DZANK1: variants seen among roughly 807,000 people sequenced by gnomAD.
The protein encoded by DZANK1 is double zinc ribbon and ankyrin repeat domains 1.
In DZANK1, 91 loss-of-function variants were observed where a neutral mutation model predicts 94.5. The observed-to-expected ratio is 0.96, with a 90% CI of 0.81 to 1.15. The LOEUF is 1.15. Among genes scored for constraint, DZANK1 ranks in the 50% most tolerant of loss-of-function variants. The pLI is 0.00. For synonymous variants in DZANK1, 312 were observed against 325.3 expected (o/e 0.96, Z 0.44); for missense variants, 903 against 916.4 (o/e 0.99, Z 0.19).
At chr20:18,438,214 G>C (rs1260954554) in intron 8 of DZANK1, among the ~76,000 whole-genome samples, 1 of 42,866 alleles carries the variant, frequency 2.3e-5, no homozygotes, top group Non-Finnish European at 3.7e-5. Context: ...GTGAGACTCT[G>C]TCTCAAAAAA....
At chr20:18,453,822 G>T in exon 5 of DZANK1, 1 of 1,562,188 alleles carries the variant, frequency 6.4e-7, no homozygotes, top group South Asian at 1.1e-5. Flanking sequence ...ATCCATTTTT[G>T]AATTCCTAGG....
intron 3 of DZANK1, among the ~76,000 whole-genome samples, chr20:18,457,612 C>A (rs915896432): frequency 6.6e-6 from 1 of 152,218 alleles, no homozygotes; most frequent in Non-Finnish European, 1.5e-5. Context: ...CTTGGTTACT[C>A]CATCATTTCT....
chr20:18,390,591 A>T, intron 17 of DZANK1, 132 bp from the exon 18 acceptor site: 1 of 772,632 alleles, frequency 1.3e-6, no homozygotes. Flanking sequence ...TGAGTGTGTG[A>T]GTGGTCTTTA....
chr20:18,429,434 T>C (rs559212551), intron 9 of DZANK1, among the ~76,000 whole-genome samples: 1 of 152,346 alleles, frequency 6.6e-6, no homozygotes, highest in South Asian at 2.1e-4. Flanking sequence ...CTTTAAACTT[T>C]ATTTTTAGAG....
At chr20:18,391,154 A>G (rs1429769186) in intron 17 of DZANK1, among the ~76,000 whole-genome samples, 1 of 152,170 alleles carries the variant, frequency 6.6e-6, no homozygotes, top group African/African-American at 2.4e-5. Flanking sequence ...TCATACAACT[A>G]CACTCCAGCC....
rs2057452231 is a variant in DZANK1, at chr20:18,415,548, C to T, written c.955-99G>A. ...TAAAAAATTCCCAGACAAGATGAGC[C>T]CCGGAAATAGTGTTTTTTTTGTTTT... On this transcript the variant is annotated intron_variant, in intron 10 of 20. Coordinates refer to ENST00000262547, the Ensembl canonical transcript of DZANK1. The T allele has an allele frequency of 5.6e-6, 7 of 1,250,940 alleles. No homozygotes were observed. In the South Asian group the frequency reaches 1.4e-4, roughly 25 times the overall value. The allele number at this position is 1,250,940 out of a possible 1,614,324, so 77.5% of individuals were successfully genotyped here. A position where few individuals can be genotyped will look rare whatever the true frequency, so the allele number is the denominator to read the frequency against.
intron 7 of DZANK1, among the ~76,000 whole-genome samples, chr20:18,444,520 C>T (rs543570936): frequency 6.6e-6 from 1 of 152,304 alleles, no homozygotes; most frequent in East Asian, 1.9e-4. Flanking sequence ...CTGGGTACTA[C>T]TGATGAGTGC....
At chr20:18,416,553 C>T (rs901303518) in intron 10 of DZANK1, among the ~76,000 whole-genome samples, 3 of 152,176 alleles carry the variant, frequency 2.0e-5, no homozygotes, top group African/African-American at 7.2e-5. Flanking sequence ...AGGCACAATA[C>T]TAAGAACACG....
intron 8 of DZANK1, among the ~76,000 whole-genome samples, chr20:18,437,928 A>G (rs2148655389): frequency 6.6e-6 from 1 of 152,236 alleles, no homozygotes; most frequent in Non-Finnish European, 1.5e-5. Context: ...CAAAAGAAAT[A>G]ACACAAAAGG....
intron 13 of DZANK1, among the ~76,000 whole-genome samples, chr20:18,412,365 C>T (rs2057298933): frequency 1.3e-5 from 2 of 152,118 alleles, no homozygotes; most frequent in African/African-American, 4.8e-5. Flanking sequence ...TGTGCACTAA[C>T]AACATGCCGT....
chr20:18,413,229 G>A, intron 12 of DZANK1: 1 of 237,550 alleles, frequency 4.2e-6, no homozygotes, highest in East Asian at 9.4e-5. Flanking sequence ...ATCTAAACCT[G>A]GGGACCTGAG....
chr20:18,414,562 T>G (rs565427732), intron 11 of DZANK1, 50 bp from the exon 12 acceptor site: 2 of 1,534,900 alleles, frequency 1.3e-6, no homozygotes, highest in Admixed American at 4.0e-5. Flanking sequence ...AATTTCCTCA[T>G]GTAAATTATT....
intron 3 of DZANK1, among the ~76,000 whole-genome samples, chr20:18,459,426 C>G (rs2059399455): frequency 6.6e-6 from 1 of 152,076 alleles, no homozygotes. Context: ...GGGCTAGAGT[C>G]CTTTAAAGTA....
intron 9 of DZANK1, 95 bp downstream of exon 9, chr20:18,433,557 T>A (rs1316074040): frequency 5.6e-5 from 60 of 1,062,748 alleles, no homozygotes; most frequent in East Asian, 1.3e-4. Flanking sequence ...AAAAAAAAAA[T>A]TGTTACCCCA....
At chr20:18,412,887 G>T in intron 12 of DZANK1, 34 bp from the exon 13 acceptor site, 1 of 1,541,284 alleles carries the variant, frequency 6.5e-7, no homozygotes, top group Non-Finnish European at 8.9e-7. Context: ...TTTAAAATTA[G>T]AATATAATTT....
chr20:18,441,010 T>C lies in DZANK1; in HGVS notation c.747+2337A>G, dbSNP rs998181822. On this transcript the variant is annotated intron_variant, in intron 8 of 20. Coordinates refer to ENST00000262547, the Ensembl canonical transcript of DZANK1. The surrounding 1 kb of genome is among the most constrained non-coding windows in gnomAD (Gnocchi z 4.1). ...AGAAGTATATTATTTTGGGCTGTCA[T>C]AGGAGCCCTCTGGTTCCTGCACCAT... 6.6e-6 allele frequency among the ~76,000 whole-genome samples: 1 copy of C among 152,224 alleles called. No homozygotes were observed. The highest frequency in any genetic ancestry group is 1.5e-5 in the Non-Finnish European group (1 of 68,036).
intron 3 of DZANK1, 45 bp from the exon 4 acceptor site, chr20:18,455,406 G>T (rs1568548064): frequency 7.2e-7 from 1 of 1,393,486 alleles, no homozygotes; most frequent in African/African-American, 1.4e-5. Context: ...GTTACACAAA[G>T]ATTTTTTAAA....
At chr20:18,388,275 A>C (rs1432694358) in intron 19 of DZANK1, among the ~76,000 whole-genome samples, 1 of 152,242 alleles carries the variant, frequency 6.6e-6, no homozygotes, top group African/African-American at 2.4e-5. Flanking sequence ...CACACCATTC[A>C]GATAGACAGG....
At chr20:18,448,767 T>C (rs548869139) in intron 7 of DZANK1, among the ~76,000 whole-genome samples, 1 of 150,096 alleles carries the variant, frequency 6.7e-6, no homozygotes, top group East Asian at 2.0e-4. Flanking sequence ...CTCGGGAGGC[T>C]GAGGCAGGAG....
Sources: allele counts gnomAD v4.1 joint callset (sites outside exome capture counted in the v4.1 genomes callset), GRCh38; gene constraint gnomAD v4.1.1; non-coding constraint Gnocchi (gnomAD v3.1); transcripts MANE v1.5; gene names NCBI Gene and HGNC (gene_info 2026-07-23, HGNC 2026-07-21).